The following HNRNPC variants were observed in gnomAD, a reference collection of about 807,000 sequenced individuals.
HNRNPC encodes heterogeneous nuclear ribonucleoprotein C, also known as heterogeneous nuclear ribonucleoproteins C1/C2.
A neutral mutation model predicts 33.2 loss-of-function variants in HNRNPC; 3 were observed. That is an observed-to-expected ratio of 0.09 (90% CI 0.04 to 0.23). The LOEUF (loss-of-function observed/expected upper bound fraction) is 0.23. Among genes scored for constraint, HNRNPC ranks in the 10% least tolerant of loss-of-function variants. HNRNPC has a pLI of 1.00. For missense variants in HNRNPC, 143 were observed against 366.7 expected (o/e 0.39, Z 4.98); for synonymous variants, 121 against 126.7 (o/e 0.96, Z 0.30).
chr14:21,225,287 C>T (rs545046895), intron 5 of HNRNPC, among the ~76,000 whole-genome samples: 4 of 151,788 alleles, frequency 2.6e-5, no homozygotes, highest in Admixed American at 2.6e-4. Context: ...AAATTAGCCA[C>T]GCATGGTGGC....
chr14:21,266,335 G>A (rs1162968507), intron 1 of HNRNPC, among the ~76,000 whole-genome samples: 1 of 151,880 alleles, frequency 6.6e-6, no homozygotes, highest in Non-Finnish European at 1.5e-5. Flanking sequence ...TCCTGACCTC[G>A]TGATCCACCC....
chr14:21,235,776 A>C (rs1481778965), intron 2 of HNRNPC, among the ~76,000 whole-genome samples: 1 of 152,174 alleles, frequency 6.6e-6, no homozygotes, highest in Non-Finnish European at 1.5e-5. Flanking sequence ...TTACAAGTGG[A>C]GGTATAATCT....
chr14:21,255,852 A>G (rs746348304), intron 2 of HNRNPC, among the ~76,000 whole-genome samples: 9 of 152,184 alleles, frequency 5.9e-5, no homozygotes, highest in Non-Finnish European at 1.3e-4. Context: ...GGAGAAGGGG[A>G]GCTTAAAGCG....
At chr14:21,213,495 A>C (rs956577527) in intron 5 of HNRNPC, 1 of 180,036 alleles carries the variant, frequency 5.6e-6, no homozygotes, top group Non-Finnish European at 1.2e-5. Flanking sequence ...ACATTACAAT[A>C]AACAATTCAC....
intron 5 of HNRNPC, among the ~76,000 whole-genome samples, chr14:21,221,317 G>C (rs1354809576): frequency 6.6e-6 from 1 of 152,106 alleles, no homozygotes; most frequent in East Asian, 1.9e-4. Context: ...CACAACTCTA[G>C]ACTTATTCTA....
chr14:21,211,716 A>G (rs1594188597), intron 7 of HNRNPC, 94 bp downstream of exon 7: 2 of 1,407,952 alleles, frequency 1.4e-6, no homozygotes, highest in Admixed American at 3.6e-5. Flanking sequence ...TTCATATTAC[A>G]TTGCTTTATA....
At chr14:21,221,875 G>A (rs1892858661) in intron 5 of HNRNPC, among the ~76,000 whole-genome samples, 2 of 151,436 alleles carry the variant, frequency 1.3e-5, no homozygotes, top group Admixed American at 6.6e-5. Flanking sequence ...GTGAAACCAC[G>A]TCTCTACTAA....
intron 2 of HNRNPC, among the ~76,000 whole-genome samples, chr14:21,253,546 A>G (rs1374009337): frequency 6.6e-6 from 1 of 151,982 alleles, no homozygotes; most frequent in African/African-American, 2.4e-5. Flanking sequence ...CTCAAACTAT[A>G]CACAGAAATA....
At chr14:21,267,123 A>AAAAAC (rs1345253908) in intron 1 of HNRNPC, among the ~76,000 whole-genome samples, 3,931 of 121,652 alleles carry the variant, frequency 0.032, 420 homozygotes, top group Non-Finnish European at 0.043. Flanking sequence ...AAAAAAAAAA[A>AAAAAC]AAAACAAAAC....
chr14:21,243,524 A>T (rs911897761), intron 2 of HNRNPC, among the ~76,000 whole-genome samples: 1 of 152,248 alleles, frequency 6.6e-6, no homozygotes, highest in South Asian at 2.1e-4. Flanking sequence ...AAATTTCCAA[A>T]GAAAAGATTA....
At chr14:21,241,227 C>G (rs1895299716) in intron 2 of HNRNPC, among the ~76,000 whole-genome samples, 1 of 147,978 alleles carries the variant, frequency 6.8e-6, no homozygotes, top group Non-Finnish European at 1.5e-5. Context: ...CCCCTGCACT[C>G]CAGCCTGGGA....
intron 2 of HNRNPC, among the ~76,000 whole-genome samples, chr14:21,261,959 A>C (rs1161549323): frequency 2.6e-5 from 4 of 152,196 alleles, no homozygotes; most frequent in Admixed American, 2.6e-4. Context: ...TTCCTAATCT[A>C]GCATTAGAAC....
chr14:21,267,105 A>C (rs1003090764), intron 1 of HNRNPC, among the ~76,000 whole-genome samples: 1 of 64,782 alleles, frequency 1.5e-5, no homozygotes, highest in South Asian at 4.8e-4. Flanking sequence ...CAAAAAAAAA[A>C]AAAAAAAAAA....
intron 2 of HNRNPC, among the ~76,000 whole-genome samples, chr14:21,245,395 C>T (rs1362099826): frequency 3.9e-5 from 6 of 151,924 alleles, no homozygotes; most frequent in East Asian, 1.9e-4. Context: ...ACTCGCGAGG[C>T]GGAGGCAGGA....
chr14:21,233,819 AT>A, intron 3 of HNRNPC, 133 bp downstream of exon 3: 1 of 1,129,874 alleles, frequency 8.9e-7, no homozygotes, highest in Non-Finnish European at 1.3e-6. Flanking sequence ...AGCCTAATGT[AT>A]TTTTATTAGG....
intron 5 of HNRNPC, among the ~76,000 whole-genome samples, chr14:21,219,165 A>G (rs1467176008): frequency 6.6e-6 from 1 of 152,076 alleles, no homozygotes; most frequent in Non-Finnish European, 1.5e-5. Context: ...TATTTTTAAA[A>G]TTCTCATTTT....
chr14:21,247,580 T>C (rs1222714147), intron 2 of HNRNPC, among the ~76,000 whole-genome samples: 3 of 152,110 alleles, frequency 2.0e-5, no homozygotes, highest in African/African-American at 7.2e-5. Flanking sequence ...CACAACTGAG[T>C]ATGTTTAAAA....
chr14:21,253,730 T>C lies in HNRNPC; in HGVS notation c.-37+9581A>G, dbSNP rs142776337. ...AGTGGCCGCTAACACTGCCAATAAA[T>C]TGCTAAACTTATTAGCTTCTGGAGA... On this transcript the variant is annotated intron_variant, in intron 2 of 8. Coordinates refer to ENST00000553300, the MANE Select transcript of HNRNPC (RefSeq NM_004500.4). Among the ~76,000 whole-genome samples, 8 of 152,220 alleles carry C rather than the reference T, an allele frequency of 5.3e-5. No individual in the cohort carries two copies. The East Asian group carries it at 1.5e-3, about 29-fold the overall frequency.
intron 2 of HNRNPC, among the ~76,000 whole-genome samples, chr14:21,256,220 G>A (rs182973964): frequency 3.9e-5 from 6 of 152,222 alleles, no homozygotes; most frequent in African/African-American, 1.4e-4. Context: ...GGCAGAGACG[G>A]GCAGATCACA....
Sources: gnomAD v4.1 joint callset for allele counts (sites outside exome capture counted in the v4.1 genomes callset) on GRCh38, gnomAD v4.1.1 for gene constraint, MANE v1.5 for transcripts, NCBI Gene and HGNC (gene_info 2026-07-23, HGNC 2026-07-21) for gene names.